The following PALM2AKAP2 variants were observed in gnomAD, a reference collection of about 807,000 sequenced individuals.
The protein encoded by PALM2AKAP2 is PALM2-AKAP2 fusion protein.
In PALM2AKAP2, 37 loss-of-function variants were observed where a neutral mutation model predicts 71.5. The observed-to-expected ratio is 0.52, with a 90% CI of 0.40 to 0.68. The LOEUF is 0.68. PALM2AKAP2 is among the 30% of genes least tolerant of loss of function. PALM2AKAP2 has a pLI of 0.00. For missense variants in PALM2AKAP2, 1,224 were observed against 1,191.8 expected (o/e 1.03, Z -0.40); for synonymous variants, 468 against 478.8 (o/e 0.98, Z 0.29).
chr9:110,097,220 T>C (rs1431204136), intron 1 of PALM2AKAP2, among the ~76,000 whole-genome samples: 1 of 150,672 alleles, frequency 6.6e-6, no homozygotes, highest in African/African-American at 2.5e-5. Context: ...CTTAATCCAT[T>C]TAACCCTGAG....
intron 1 of PALM2AKAP2, among the ~76,000 whole-genome samples, chr9:109,686,440 A>G (rs1416473112): frequency 6.6e-6 from 1 of 152,170 alleles, no homozygotes; most frequent in African/African-American, 2.4e-5. Flanking sequence ...AACAACATCA[A>G]TCTCCTTGTA....
chr9:109,987,103 G>A (rs550225615), intron 6 of PALM2AKAP2, among the ~76,000 whole-genome samples: 2 of 151,942 alleles, frequency 1.3e-5, no homozygotes, highest in Non-Finnish European at 2.9e-5. Flanking sequence ...GCACCTACCC[G>A]TTATGTTCTG....
rs770314164 is a variant in PALM2AKAP2, at chr9:110,132,004, C to G, written c.157-4123C>G. ...TCATCCCAAATTACACTGGAACCCC[C>G]AAACTTTGACTTTTAACAAGTAACT... is the stretch of plus-strand genomic sequence containing the variant. On this transcript the variant is annotated intron_variant, in intron 1 of 3. Coordinates refer to ENST00000374525, the Ensembl canonical transcript of PALM2AKAP2. Among the ~76,000 whole-genome samples, 78 of 151,274 alleles carry G rather than the reference C, an allele frequency of 5.2e-4. 1 individual carries two copies. The highest frequency in any genetic ancestry group is 9.6e-4 in the Non-Finnish European group (65 of 67,910).
At position 109,804,061 on chromosome 9, in the gene PALM2AKAP2, C is replaced by G. The variant is rs78902842; in HGVS notation, c.45+23528C>G. 2.9e-3 allele frequency among the ~76,000 whole-genome samples: 441 copies of G among 152,288 alleles called. 5 individuals are homozygous for G. Among genetic ancestry groups the G allele is most frequent in the African/African-American group, 9.9e-3 (412 of 41,570 alleles). Reference sequence around the variant, plus strand: ...CCCAGCCAGGCTCTGACAGCTGAATCGAATGGCCCAGTGGTGGCACATTCC... The same window carrying G: ...CCCAGCCAGGCTCTGACAGCTGAATGGAATGGCCCAGTGGTGGCACATTCC... On this transcript the variant is annotated intron_variant, in intron 1 of 9. Transcript: ENST00000302798.
chr9:110,137,308 G>A (rs1259706727), exon 2 of PALM2AKAP2: 2 of 1,614,064 alleles, frequency 1.2e-6, no homozygotes, highest in African/African-American at 2.7e-5. Context: ...CTTTCTACAG[G>A]CCTCTGGGGT....
At chr9:109,840,176 C>T (rs545754158) in intron 1 of PALM2AKAP2, among the ~76,000 whole-genome samples, 2 of 152,210 alleles carry the variant, frequency 1.3e-5, no homozygotes, top group African/African-American at 4.8e-5. Context: ...AGATATAGAC[C>T]AATGGAACAG....
intron 1 of PALM2AKAP2, among the ~76,000 whole-genome samples, chr9:110,129,793 A>C (rs570996177): frequency 7.9e-5 from 12 of 151,962 alleles, no homozygotes; most frequent in Non-Finnish European, 1.3e-4. Flanking sequence ...TCTGCTTCCC[A>C]TGTGACTGGA....
intron 7 of PALM2AKAP2, among the ~76,000 whole-genome samples, chr9:110,035,407 TA>T (rs1833374996): frequency 8.3e-6 from 1 of 119,966 alleles, no homozygotes; most frequent in Non-Finnish European, 1.7e-5. Context: ...TATACGTATA[TA>T]ATATGTATAA....
intron 1 of PALM2AKAP2, among the ~76,000 whole-genome samples, chr9:110,083,481 A>G (rs1834493072): frequency 6.6e-6 from 1 of 152,228 alleles, no homozygotes; most frequent in Admixed American, 6.5e-5. Context: ...GCACTTCTTT[A>G]GATGAATCAG....
Position 110,015,453 on chromosome 9 carries a change from A to G in PALM2AKAP2, c.497-501A>G, listed in dbSNP as rs181297263. Among the ~76,000 whole-genome samples, 57 of 152,240 alleles carry G rather than the reference A, an allele frequency of 3.7e-4. 1 individual carries two copies. Among genetic ancestry groups the G allele is most frequent in the African/African-American group, 1.3e-3 (55 of 41,542 alleles). ...CATCTCTACTAAAAATACAAAAATTAGTCAGGTGTGGTGGCGGGTGCCTGT... is the reference window on the plus strand; with the variant it reads ...CATCTCTACTAAAAATACAAAAATTGGTCAGGTGTGGTGGCGGGTGCCTGT... On this transcript the variant is annotated intron_variant, in intron 6 of 9. Coordinates refer to the PALM2AKAP2 transcript ENST00000302798.
At chr9:109,895,800 G>A (rs1353499725) in intron 3 of PALM2AKAP2, among the ~76,000 whole-genome samples, 3 of 152,132 alleles carry the variant, frequency 2.0e-5, no homozygotes. Flanking sequence ...GTTTAGCATG[G>A]CTGGGGAGGT....
At chr9:109,861,424 G>A (rs545931758) in intron 1 of PALM2AKAP2, among the ~76,000 whole-genome samples, 2 of 152,266 alleles carry the variant, frequency 1.3e-5, no homozygotes, top group South Asian at 4.1e-4. Context: ...AATAGTTTAC[G>A]TGTTATGTTA....
rs535343066 is a variant in PALM2AKAP2, at chr9:109,865,855, G to A, written c.46-1636G>A. ...GTAGAGATAGCAGCTGGACCAGGAA[G>A]CCCTAGCTTTATCATGTGCCATCTC... On this transcript the variant is annotated intron_variant, in intron 1 of 9. Transcript: ENST00000302798. Among the ~76,000 whole-genome samples the A allele has an allele frequency of 2.6e-5, 4 of 152,298 alleles. No homozygotes were observed. In the South Asian group the frequency reaches 8.3e-4, roughly 32 times the overall value.
intron 6 of PALM2AKAP2, among the ~76,000 whole-genome samples, chr9:110,001,535 C>T (rs943072143): frequency 6.6e-6 from 1 of 152,090 alleles, no homozygotes; most frequent in Non-Finnish European, 1.5e-5. Context: ...AAGTAGTTTT[C>T]TCCAATTCCG....
At chr9:109,780,181 T>A (rs1338214541), upstream of PALM2AKAP2, 4 of 639,606 alleles carry the variant, frequency 6.3e-6, no homozygotes, top group East Asian at 4.9e-4. Flanking sequence ...TAGCGCGCCC[T>A]CCCGGCGGCT....
chr9:110,165,601 A>G (rs10980231), intron 3 of PALM2AKAP2, among the ~76,000 whole-genome samples: 10,378 of 152,250 alleles, frequency 0.068, 485 homozygotes, highest in East Asian at 0.17. Flanking sequence ...CATACATACT[A>G]GGGGAATGAA....
At chr9:109,653,785 A>G (rs902965352) in intron 1 of PALM2AKAP2, among the ~76,000 whole-genome samples, 1 of 152,190 alleles carries the variant, frequency 6.6e-6, no homozygotes, top group African/African-American at 2.4e-5. Context: ...TATATAACAC[A>G]AGATGTGGGT....
At chr9:110,161,561 G>A (rs1003303161) in intron 3 of PALM2AKAP2, among the ~76,000 whole-genome samples, 5 of 152,180 alleles carry the variant, frequency 3.3e-5, no homozygotes, top group African/African-American at 9.7e-5. Context: ...GGGTTCTGAC[G>A]AGGGAGGCTG....
At chr9:109,851,200 CAACAACAACAAAAAAA>C (rs1829003471) in intron 1 of PALM2AKAP2, among the ~76,000 whole-genome samples, 1 of 46,712 alleles carries the variant, frequency 2.1e-5, no homozygotes, top group Admixed American at 2.9e-4. Context: ...ACAACAACAA[CAACAACAACAAAAAAA>C]AAAAAACACT....
Sources: gnomAD v4.1 joint callset for allele counts (sites outside exome capture counted in the v4.1 genomes callset) on GRCh38, gnomAD v4.1.1 for gene constraint, MANE v1.5 for transcripts, NCBI Gene and HGNC (gene_info 2026-07-23, HGNC 2026-07-21) for gene names.